The following ITGAV variants were observed in gnomAD, a reference collection of about 807,000 sequenced individuals.
ITGAV encodes the protein integrin alpha-V.
Under a neutral mutation model 143.8 loss-of-function variants are expected in ITGAV, and 76 were observed. The ratio of observed to expected loss-of-function variants is 0.53; its 90% CI spans 0.44 to 0.64. ITGAV has a LOEUF of 0.64. Among genes scored for constraint, ITGAV ranks in the 30% least tolerant of loss-of-function variants. The pLI is 0.00. For missense variants in ITGAV, 1,193 were observed against 1,274.7 expected, an observed-to-expected ratio of 0.94 and a Z score of 0.98; for synonymous variants, 453 against 446.7, an observed-to-expected ratio of 1.01 and a Z score of -0.18.
chr2:186,621,670 C>A (rs1687527876), intron 2 of ITGAV, among the ~76,000 whole-genome samples: 1 of 152,112 alleles, frequency 6.6e-6, no homozygotes, highest in African/African-American at 2.4e-5. Flanking sequence ...AGGACTCTAT[C>A]CCAGGTGTCC....
chr2:186,602,851 T>A (rs1033614388), intron 2 of ITGAV, among the ~76,000 whole-genome samples: 2 of 143,012 alleles, frequency 1.4e-5, no homozygotes, highest in Admixed American at 7.3e-5. Flanking sequence ...CACTCTAGCC[T>A]GGGTGACAGA....
At chr2:186,675,026 G>A (rs1003644664) in intron 26 of ITGAV, among the ~76,000 whole-genome samples, 1 of 152,140 alleles carries the variant, frequency 6.6e-6, no homozygotes, top group Non-Finnish European at 1.5e-5. Flanking sequence ...GGATAACATT[G>A]TCATGAGGTG....
Position 186,680,468 on chromosome 2 carries a change from G to T in ITGAV, c.*3176G>T, listed in dbSNP as rs1291978087. On this transcript the variant is annotated 3_prime_UTR_variant, in exon 30 of 30. Transcript: ENST00000261023. ...TGATGTTTTTTGTCATTGTTCTCAA[G>T]TGCAATATAACAATGTAACCAAATC... 1 of 152,426 alleles carries T rather than the reference G, an allele frequency of 6.6e-6. No individual in the cohort carries two copies. Among genetic ancestry groups the T allele is most frequent in the Non-Finnish European group, 1.5e-5 (1 of 67,950 alleles). The allele number at this position is 152,426 out of a possible 1,614,324, so 9.4% of individuals were successfully genotyped here.
chr2:186,663,326 C>A (rs1208517429), intron 18 of ITGAV, among the ~76,000 whole-genome samples: 1 of 152,070 alleles, frequency 6.6e-6, no homozygotes, highest in East Asian at 1.9e-4. Context: ...CCTCTGCAGC[C>A]CTATTTCCTG....
At chr2:186,590,998 CTCTG>C in intron 1 of ITGAV, among the ~76,000 whole-genome samples, 1 of 152,298 alleles carries the variant, frequency 6.6e-6, no homozygotes, top group Middle Eastern at 3.4e-3. Context: ...CTCTTTCCGC[CTCTG>C]TCTGATTCTG....
intron 5 of ITGAV, among the ~76,000 whole-genome samples, chr2:186,631,852 C>T (rs1687821840): frequency 6.6e-6 from 1 of 152,104 alleles, no homozygotes; most frequent in Admixed American, 6.6e-5. Flanking sequence ...CATAGTGGGA[C>T]ACCATCTCTA....
chr2:186,665,287 T>A, intron 21 of ITGAV, 69 bp downstream of exon 21: 1 of 980,606 alleles, frequency 1.0e-6, no homozygotes, highest in Non-Finnish European at 1.6e-6. Flanking sequence ...TCTGGGCTCA[T>A]AGTAATTTTT....
At chr2:186,595,310 G>A (rs1171081198) in intron 1 of ITGAV, among the ~76,000 whole-genome samples, 1 of 152,166 alleles carries the variant, frequency 6.6e-6, no homozygotes, top group Admixed American at 6.5e-5. Flanking sequence ...TTGAAAAATG[G>A]ACTTGTCATT....
chr2:186,636,271 G>A, intron 7 of ITGAV, 64 bp downstream of exon 7: 1 of 1,261,640 alleles, frequency 7.9e-7, no homozygotes. Context: ...ATCTGAGTAT[G>A]GTCTTTTAAG....
rs552107021 is a variant in ITGAV, at chr2:186,638,844, T to G, written c.903+379T>G. 2.0e-5 allele frequency among the ~76,000 whole-genome samples: 3 copies of G among 151,892 alleles called. No homozygotes were observed. The East Asian group carries it at 5.8e-4, about 29-fold the overall frequency. ...TAGATATAAGATGGGCTTTAAATAT[T>G]TCATCTTTGTTTTAACCAAAGTAAT... is the stretch of plus-strand genomic sequence containing the variant. On this transcript the variant is annotated intron_variant, in intron 10 of 29. Transcript: ENST00000261023.
intron 4 of ITGAV, among the ~76,000 whole-genome samples, chr2:186,626,478 G>A (rs1020091899): frequency 1.3e-5 from 2 of 152,062 alleles, no homozygotes; most frequent in Admixed American, 1.3e-4. Context: ...GTGTTCCACT[G>A]GTCACCACAT....
At chr2:186,648,605 C>T (rs1301868295) in intron 13 of ITGAV, among the ~76,000 whole-genome samples, 1 of 152,128 alleles carries the variant, frequency 6.6e-6, no homozygotes, top group African/African-American at 2.4e-5. Flanking sequence ...GCTGGGATTA[C>T]AGGCAGGCAC....
chr2:186,646,559 C>G, intron 12 of ITGAV, 127 bp from the exon 13 acceptor site: 1 of 600,512 alleles, frequency 1.7e-6, no homozygotes, highest in Non-Finnish European at 2.9e-6. Flanking sequence ...ATTACAAGTA[C>G]TGAAACTTTC....
chr2:186,672,282 A>G lies in ITGAV; in HGVS notation c.2706+2468A>G, dbSNP rs540694788. Among the ~76,000 whole-genome samples the G allele has an allele frequency of 2.6e-5, 4 of 152,172 alleles. No homozygotes were observed. The South Asian group carries it at 8.3e-4, about 32-fold the overall frequency. ...CATTTTTATGCCTGAATAATACTCC[A>G]TTGTGTGGACATACCACCTTTTGTT... is the stretch of plus-strand genomic sequence containing the variant. On this transcript the variant is annotated intron_variant, in intron 26 of 29. Coordinates refer to ENST00000261023, the MANE Select transcript of ITGAV (RefSeq NM_002210.5).
intron 18 of ITGAV, among the ~76,000 whole-genome samples, chr2:186,660,338 C>T (rs1362718541): frequency 1.3e-5 from 2 of 152,038 alleles, no homozygotes; most frequent in Non-Finnish European, 2.9e-5. Flanking sequence ...CCTTTTTTTC[C>T]CACCTATTCT....
chr2:186,663,644 T>C, intron 18 of ITGAV, 124 bp from the exon 19 acceptor site: 1 of 629,622 alleles, frequency 1.6e-6, no homozygotes, highest in Non-Finnish European at 2.7e-6. Flanking sequence ...ACAAACAAGC[T>C]GATGAGTATC....
At chr2:186,602,349 A>G (rs1686933995) in intron 2 of ITGAV, among the ~76,000 whole-genome samples, 198 bp downstream of exon 2, 1 of 152,204 alleles carries the variant, frequency 6.6e-6, no homozygotes, top group African/African-American at 2.4e-5. Flanking sequence ...TATTAAAAGT[A>G]CGTTGTGTTT....
intron 23 of ITGAV, 83 bp downstream of exon 23, chr2:186,667,313 A>C (rs918818426): frequency 1.0e-6 from 1 of 989,214 alleles, no homozygotes; most frequent in African/African-American, 1.6e-5. Context: ...TTTTCTGGAC[A>C]ATAGACCCTG....
intron 29 of ITGAV, 76 bp downstream of exon 29, chr2:186,677,011 A>G: frequency 6.7e-7 from 1 of 1,493,926 alleles, no homozygotes; most frequent in Non-Finnish European, 9.3e-7. Flanking sequence ...AAGAAGAATG[A>G]AAAGTAAGGG....
Sources: gnomAD v4.1 joint callset for allele counts (sites outside exome capture counted in the v4.1 genomes callset) on GRCh38, gnomAD v4.1.1 for gene constraint, MANE v1.5 for transcripts, NCBI Gene and HGNC (gene_info 2026-07-23, HGNC 2026-07-21) for gene names.